PEAK1: variants seen among roughly 807,000 people sequenced by gnomAD.
The protein encoded by PEAK1 is inactive tyrosine-protein kinase PEAK1.
Under a neutral mutation model 124.7 loss-of-function variants are expected in PEAK1, and 54 were observed. The observed-to-expected ratio is 0.43, with a 90% CI of 0.35 to 0.54. PEAK1 has a LOEUF of 0.54. Among genes scored for constraint, PEAK1 ranks in the 20% least tolerant of loss-of-function variants. PEAK1 has a pLI of 0.01. For synonymous variants in PEAK1, 719 were observed against 760.0 expected (o/e 0.95, Z 0.89); for missense variants, 2,046 against 2,134.5 (o/e 0.96, Z 0.82).
At chr15:77,231,741 G>A (rs2059918434) in intron 6 of PEAK1, among the ~76,000 whole-genome samples, 1 of 152,100 alleles carries the variant, frequency 6.6e-6, no homozygotes, top group Admixed American at 6.6e-5. Flanking sequence ...GTAACATATG[G>A]AGGTAGAATG....
intron 5 of PEAK1, among the ~76,000 whole-genome samples, chr15:77,271,960 G>A (rs943867557): frequency 2.0e-5 from 3 of 151,902 alleles, no homozygotes; most frequent in Non-Finnish European, 4.4e-5. Flanking sequence ...AACTCCAAAA[G>A]GAACCTTCAA....
chr15:77,184,681 G>C (rs1338206879), intron 6 of PEAK1, among the ~76,000 whole-genome samples: 1 of 152,198 alleles, frequency 6.6e-6, no homozygotes, highest in Non-Finnish European at 1.5e-5. Flanking sequence ...TGGATCACTT[G>C]AGGCCAGGAG....
At chr15:77,374,168 A>G (rs1384824809) in intron 1 of PEAK1, among the ~76,000 whole-genome samples, 2 of 152,202 alleles carry the variant, frequency 1.3e-5, no homozygotes, top group East Asian at 3.8e-4. Context: ...GGATAGGAAC[A>G]CAAGTATCAC....
intron 2 of PEAK1, among the ~76,000 whole-genome samples, chr15:77,314,332 T>C (rs1414959615): frequency 1.3e-5 from 2 of 152,120 alleles, no homozygotes; most frequent in Non-Finnish European, 2.9e-5. Flanking sequence ...TTTGGGTCTG[T>C]AGGCTGACCT....
At chr15:77,381,407 C>T in intron 1 of PEAK1, 1 of 886,882 alleles carries the variant, frequency 1.1e-6, no homozygotes, top group Non-Finnish European at 1.4e-6. Flanking sequence ...GTTTGGGCAA[C>T]ATAGTGAGAC....
chr15:77,386,124 A>G (rs2069913569), intron 1 of PEAK1, among the ~76,000 whole-genome samples: 1 of 152,210 alleles, frequency 6.6e-6, no homozygotes, highest in South Asian at 2.1e-4. Context: ...TATAGAACTA[A>G]AGGCCAGGAA....
At position 77,180,870 on chromosome 15, in the gene PEAK1, G is replaced by T; in HGVS notation, c.1057C>A (p.Arg353Ser). 3 of 1,613,898 alleles carry T rather than the reference G, an allele frequency of 1.9e-6. No homozygotes were observed. The highest frequency in any genetic ancestry group is 2.2e-5 in the South Asian group (2 of 91,082). Residue 353 changes from arginine (R) to serine (S), a missense_variant, in exon 7 of 10, where the codon CGT (arginine) becomes AGT (serine). By Grantham distance (110) the Arg-to-Ser change is moderately radical. Coordinates refer to ENST00000682557, the MANE Select transcript of PEAK1 (RefSeq NM_001385026.1). ...SPDSSLTEES[R>S]SETASSLSQK... ...GATAAACTACTGGCTGTCTCAGAAC[G>T]TGATTCTTCTGTTAAAGAAGAATCT...
At chr15:77,415,893 A>C (rs61203357) in intron 1 of PEAK1, among the ~76,000 whole-genome samples, 1,863 of 152,252 alleles carry the variant, frequency 0.012, 41 homozygotes, top group African/African-American at 0.043. Context: ...TTCCAGGCTC[A>C]CATTAAGAAT....
chr15:77,125,674 C>A (rs2052314801), intron 9 of PEAK1, among the ~76,000 whole-genome samples: 1 of 152,206 alleles, frequency 6.6e-6, no homozygotes, highest in Non-Finnish European at 1.5e-5. Context: ...CAGATTTAAA[C>A]CCAGGTCTGT....
chr15:77,328,121 T>G (rs1390433527), intron 2 of PEAK1, among the ~76,000 whole-genome samples: 12 of 152,170 alleles, frequency 7.9e-5, no homozygotes, highest in Non-Finnish European at 4.4e-5. Flanking sequence ...CACATGTATT[T>G]TAATCCATTG....
rs1376594090 is a variant in PEAK1 at position 77,181,365 on chromosome 15, A to T, written c.562T>A (p.Leu188Met). ...CAACTTGGTGGAAGCTTTCTTTCCA[A>T]TGATCGTTTATAGCAATCATTTATT... ...GRINDCYKRSLERKLPPSCMI... is the reference protein window; with the variant it reads ...GRINDCYKRSMERKLPPSCMI... Residue 188 changes from leucine to methionine, a missense_variant, in exon 7 of 10, where the codon TTG becomes ATG. Leu to Met is a conservative substitution (Grantham distance 15). Coordinates refer to ENST00000682557, the MANE Select transcript of PEAK1 (RefSeq NM_001385026.1). The T allele has an allele frequency of 1.2e-6, 2 of 1,614,084 alleles. No individual in the cohort carries two copies. The highest frequency in any genetic ancestry group is 1.7e-5 in the Admixed American group (1 of 60,010).
chr15:77,368,969 TTAATTA>T (rs1042949102), intron 1 of PEAK1, among the ~76,000 whole-genome samples: 79 of 152,338 alleles, frequency 5.2e-4, no homozygotes, highest in African/African-American at 1.8e-3. Flanking sequence ...ATCACTATGT[TTAATTA>T]TAACTATACA....
intron 1 of PEAK1, among the ~76,000 whole-genome samples, chr15:77,375,603 C>A (rs2068945417): frequency 6.6e-6 from 1 of 152,276 alleles, no homozygotes; most frequent in African/African-American, 2.4e-5. Context: ...TCACAAAATT[C>A]TATTTTCATT....
intron 2 of PEAK1, among the ~76,000 whole-genome samples, chr15:77,323,309 A>C (rs1470179853): frequency 6.6e-6 from 1 of 151,858 alleles, no homozygotes; most frequent in African/African-American, 2.4e-5. Flanking sequence ...AAGGAAATAA[A>C]GGGTATTCAA....
intron 7 of PEAK1, among the ~76,000 whole-genome samples, chr15:77,165,470 T>G (rs1596430532): frequency 2.0e-5 from 3 of 152,334 alleles, no homozygotes; most frequent in African/African-American, 7.2e-5. Context: ...GTACTTGGAC[T>G]ACAGGAGTGA....
chr15:77,303,421 G>A (rs974585546), intron 2 of PEAK1, among the ~76,000 whole-genome samples: 1 of 152,148 alleles, frequency 6.6e-6, no homozygotes, highest in Non-Finnish European at 1.5e-5. Context: ...ACCAGAATTT[G>A]GTCAGTGTTT....
chr15:77,252,134 C>T (rs2060910611), intron 6 of PEAK1, among the ~76,000 whole-genome samples: 1 of 152,196 alleles, frequency 6.6e-6, no homozygotes, highest in African/African-American at 2.4e-5. Context: ...TAGTATTTTC[C>T]ATATTCTTTC....
chr15:77,205,879 GGTTA>G (rs1358942902), intron 6 of PEAK1, among the ~76,000 whole-genome samples: 4 of 136,968 alleles, frequency 2.9e-5, no homozygotes, highest in Non-Finnish European at 6.4e-5. Context: ...ACATTGTGCA[GGTTA>G]GTTACATATG....
chr15:77,320,689 T>C (rs1567254547), intron 2 of PEAK1, among the ~76,000 whole-genome samples: 1 of 152,210 alleles, frequency 6.6e-6, no homozygotes, highest in Non-Finnish European at 1.5e-5. Context: ...CTTTAAGTTT[T>C]AGGGTACATG....
Sources: allele counts gnomAD v4.1 joint callset (sites outside exome capture counted in the v4.1 genomes callset), GRCh38; gene constraint gnomAD v4.1.1; transcripts MANE v1.5; gene names NCBI Gene and HGNC (gene_info 2026-07-23, HGNC 2026-07-21).